NUDT3: variants seen among roughly 807,000 people sequenced by gnomAD.
The protein encoded by NUDT3 is nudix hydrolase 3.
In NUDT3, 9 loss-of-function variants were observed where a neutral mutation model predicts 23.6. The observed-to-expected ratio is 0.38, with a 90% CI of 0.23 to 0.66. The LOEUF is 0.66. NUDT3 is among the 30% of genes least tolerant of loss of function. The pLI is 0.52. For synonymous variants in NUDT3, 86 were observed against 82.6 expected, an observed-to-expected ratio of 1.04 and a Z score of -0.22; for missense variants, 172 against 218.5, an observed-to-expected ratio of 0.79 and a Z score of 1.34.
Position 34,322,033 on chromosome 6 carries a change from G to A in NUDT3, c.210+19829C>T, listed in dbSNP as rs147537895. 4.4e-3 allele frequency among the ~76,000 whole-genome samples: 668 copies of A among 152,262 alleles called. 2 individuals carry two copies. Among genetic ancestry groups the A allele is most frequent in the African/African-American group, 0.015 (633 of 41,556 alleles). On this transcript the variant is annotated intron_variant, in intron 2 of 4. Coordinates refer to ENST00000607016, the MANE Select transcript of NUDT3 (RefSeq NM_006703.4). ...AGCCTTAATTAGTTTAACTAGCCAC[G>A]TAAGGCAGCTAGTGGATGCCATACG... is the stretch of plus-strand genomic sequence containing the variant.
rs1763264308 is a variant in NUDT3, at chr6:34,280,087, A to AGAAGGAG, written c.*8665_*8666insCTCCTTC. On this transcript the variant is annotated 3_prime_UTR_variant, in exon 5 of 5. Transcript: ENST00000607016. ...CTTCTCAGCCCTCCTCCACAGCCTG[A>AGAAGGAG]CTGTACTGCCAGCCGCACCCATGAG... The AGAAGGAG allele has an allele frequency of 6.6e-6, 1 of 152,224 alleles. No individual in the cohort carries two copies. Among genetic ancestry groups the AGAAGGAG allele is most frequent in the Non-Finnish European group, 1.5e-5 (1 of 68,100 alleles). The allele number at this position is 152,224 out of a possible 1,614,324, so 9.4% of individuals were successfully genotyped here. A position where few individuals can be genotyped will look rare whatever the true frequency, so the allele number is the denominator to read the frequency against.
At chr6:34,388,406 A>G (rs1376449657) in intron 1 of NUDT3, among the ~76,000 whole-genome samples, 4 of 152,146 alleles carry the variant, frequency 2.6e-5, no homozygotes, top group Non-Finnish European at 4.4e-5. Flanking sequence ...ATATTCTGTA[A>G]ACTATTCTAT....
rs1765229236 is a variant in NUDT3, at chr6:34,392,631, G to T, written c.-269C>A. 4.1e-6 allele frequency: 1 copy of T among 245,342 alleles called. No homozygotes were observed. The highest frequency in any genetic ancestry group is 1.5e-4 in the South Asian group (1 of 6,840). The allele number at this position is 245,342 out of a possible 1,614,324, so 15.2% of individuals were successfully genotyped here. A position where few individuals can be genotyped will look rare whatever the true frequency, so the allele number is the denominator to read the frequency against. On this transcript the variant is annotated 5_prime_UTR_variant, in exon 1 of 5. The change creates a premature stop within an existing upstream ORF in the 5' untranslated region. Coordinates refer to ENST00000607016, the MANE Select transcript of NUDT3 (RefSeq NM_006703.4). ...CTCTGCCGCCGCCACCCCCGACGAC[G>T]ACCGCGCCGCCATCTTGGGCGCGAT...
rs553943042 is a variant in NUDT3, at chr6:34,344,251, T to C, written c.100-2279A>G. ...ACAGACACTTCCATACAAATGTTTA[T>C]AGCAGCATTATTTACAATAGCCAAA... On this transcript the variant is annotated intron_variant, in intron 1 of 4. Transcript: ENST00000607016. Among the ~76,000 whole-genome samples the C allele has an allele frequency of 4.9e-4, 74 of 152,284 alleles. 1 individual carries two copies. In the South Asian group the frequency reaches 0.01, roughly 21 times the overall value.
intron 1 of NUDT3, among the ~76,000 whole-genome samples, chr6:34,343,378 C>A (rs1764317223): frequency 7.1e-6 from 1 of 141,738 alleles, no homozygotes; most frequent in Non-Finnish European, 1.5e-5. Context: ...GATGAGACCT[C>A]GTCTCTACAA....
rs138029134 is a variant in NUDT3, at chr6:34,310,281, G to A, written c.211-14596C>T. On this transcript the variant is annotated intron_variant, in intron 2 of 4. Transcript: ENST00000607016. ...ATGGTGGCTCACGCCTGTAATCCCA[G>A]AACTTTGGGAGGCCGAGGCAGGAGG... 9.6e-4 allele frequency among the ~76,000 whole-genome samples: 146 copies of A among 152,100 alleles called. 1 individual carries two copies. In the East Asian group the frequency reaches 0.011, roughly 12 times the overall value.
intron 2 of NUDT3, among the ~76,000 whole-genome samples, chr6:34,302,312 C>T (rs1234235652): frequency 6.6e-6 from 1 of 152,052 alleles, no homozygotes; most frequent in Non-Finnish European, 1.5e-5. Flanking sequence ...TGCTCTGTGG[C>T]AAATATTTTC....
chr6:34,352,202 T>C (rs558600560), intron 1 of NUDT3, among the ~76,000 whole-genome samples: 1 of 152,174 alleles, frequency 6.6e-6, no homozygotes. Context: ...TCTCACTCTG[T>C]CGCCCATGCT....
chr6:34,369,929 G>A (rs1328266879), intron 1 of NUDT3, among the ~76,000 whole-genome samples: 1 of 151,538 alleles, frequency 6.6e-6, no homozygotes, highest in East Asian at 2.1e-4. Flanking sequence ...ATAATCTTGG[G>A]GACAAATCTG....
At chr6:34,319,499 C>T (rs147941118) in intron 2 of NUDT3, among the ~76,000 whole-genome samples, 196 of 152,322 alleles carry the variant, frequency 1.3e-3, no homozygotes, top group African/African-American at 4.6e-3. Context: ...TTGGGGGAAG[C>T]TGCACAGAGC....
In NUDT3 at chr6:34,282,246, G is replaced by C. The variant is rs1284382887; in HGVS notation, c.*6507C>G. The C allele has an allele frequency of 6.6e-6, 1 of 152,156 alleles. No homozygotes were observed. Among genetic ancestry groups the C allele is most frequent in the Non-Finnish European group, 1.5e-5 (1 of 68,036 alleles). The allele number at this position is 152,156 out of a possible 1,614,324, so 9.4% of individuals were successfully genotyped here. A position where few individuals can be genotyped will look rare whatever the true frequency, so the allele number is the denominator to read the frequency against. On this transcript the variant is annotated 3_prime_UTR_variant, in exon 5 of 5. Transcript: ENST00000607016. ...GCAAGATAATAAAGAGGTTAAAGAG[G>C]CTACGTGGATCTGTCACTGCTTTAG...
At chr6:34,364,129 C>T (rs563555378) in intron 1 of NUDT3, among the ~76,000 whole-genome samples, 1 of 152,238 alleles carries the variant, frequency 6.6e-6, no homozygotes, top group South Asian at 2.1e-4. Context: ...TTTTCTATTG[C>T]TGTCAAACTA....
At chr6:34,327,849 G>T (rs1056851024) in intron 2 of NUDT3, among the ~76,000 whole-genome samples, 1 of 152,156 alleles carries the variant, frequency 6.6e-6, no homozygotes, top group Non-Finnish European at 1.5e-5. Context: ...ATTACCGCTT[G>T]ACCAAGGAGC....
At chr6:34,330,622 C>A (rs756480455) in intron 2 of NUDT3, among the ~76,000 whole-genome samples, 1 of 151,898 alleles carries the variant, frequency 6.6e-6, no homozygotes, top group Non-Finnish European at 1.5e-5. Flanking sequence ...CATGGTGGAA[C>A]CCCAGCTCTA....
At chr6:34,310,906 T>C (rs566881823) in intron 2 of NUDT3, among the ~76,000 whole-genome samples, 5 of 147,356 alleles carry the variant, frequency 3.4e-5, no homozygotes, top group Admixed American at 2.2e-4. Flanking sequence ...TGATCAGGTA[T>C]AGATGCAGAA....
In NUDT3 at chr6:34,283,607, C is replaced by T. The variant is rs1314503421; in HGVS notation, c.*5146G>A. On this transcript the variant is annotated 3_prime_UTR_variant, in exon 5 of 5. Coordinates refer to ENST00000607016, the MANE Select transcript of NUDT3 (RefSeq NM_006703.4). Reference sequence around the variant, plus strand: ...ATGCTCCAACTAGGCTTCTCACATCCCTCAAAGGTTATCAGCTAAAGACAA... The same window carrying T: ...ATGCTCCAACTAGGCTTCTCACATCTCTCAAAGGTTATCAGCTAAAGACAA... 2.6e-5 allele frequency: 4 copies of T among 152,164 alleles called. No homozygotes were observed. Among genetic ancestry groups the T allele is most frequent in the Admixed American group, 6.5e-5 (1 of 15,274 alleles). 9.4% of individuals were successfully genotyped at this position (152,164 alleles called of 1,614,324 possible). A position where few individuals can be genotyped will look rare whatever the true frequency, so the allele number is the denominator to read the frequency against.
intron 2 of NUDT3, among the ~76,000 whole-genome samples, chr6:34,297,748 TATATATATATA>T (rs1284285247): frequency 5.8e-5 from 6 of 103,702 alleles, no homozygotes; most frequent in South Asian, 6.4e-4. Context: ...TATATATATA[TATATATATATA>T]ATTTTTTTTT....
rs1763269497 is a variant in NUDT3, at chr6:34,280,564, T to C, written c.*8189A>G. ...GTTTTGTTGAGCTCATTTGAGGTCA[T>C]CCTTGCCATCCTCTTAAAAAATGAC... On this transcript the variant is annotated 3_prime_UTR_variant, in exon 5 of 5. Coordinates refer to ENST00000607016, the MANE Select transcript of NUDT3 (RefSeq NM_006703.4). The C allele has an allele frequency of 6.6e-6, 1 of 152,262 alleles. No homozygotes were observed. Among genetic ancestry groups the C allele is most frequent in the Non-Finnish European group, 1.5e-5 (1 of 68,056 alleles). 9.4% of individuals were successfully genotyped at this position (152,262 alleles called of 1,614,324 possible).
chr6:34,337,397 T>G (rs1264581838), intron 2 of NUDT3, among the ~76,000 whole-genome samples: 1 of 152,178 alleles, frequency 6.6e-6, no homozygotes, highest in African/African-American at 2.4e-5. Context: ...CAGGATTCCT[T>G]CAAGACAGGA....
Sources: allele counts gnomAD v4.1 joint callset (sites outside exome capture counted in the v4.1 genomes callset), GRCh38; gene constraint gnomAD v4.1.1; transcripts MANE v1.5; gene names NCBI Gene and HGNC (gene_info 2026-07-23, HGNC 2026-07-21).